DAB1: variants seen among roughly 807,000 people sequenced by gnomAD.
DAB1 encodes the protein DAB adaptor protein 1, also known as disabled homolog 1.
In DAB1, 15 loss-of-function variants were observed where a neutral mutation model predicts 64.6. The ratio of observed to expected loss-of-function variants is 0.23; its 90% CI spans 0.16 to 0.36. DAB1 has a LOEUF of 0.36. Ranked by LOEUF, DAB1 falls within the 10% of genes least tolerant of loss-of-function variation. DAB1 has a pLI of 1.00. For missense variants in DAB1, 596 were observed against 706.7 expected, an observed-to-expected ratio of 0.84 and a Z score of 1.78; for synonymous variants, 235 against 251.9, an observed-to-expected ratio of 0.93 and a Z score of 0.64.
At chr1:58,144,334 T>G (rs1054747762) in intron 5 of DAB1, among the ~76,000 whole-genome samples, 4 of 152,220 alleles carry the variant, frequency 2.6e-5, no homozygotes, top group African/African-American at 9.6e-5. Flanking sequence ...AAGTAAAGAT[T>G]ATCAACAGTC....
chr1:58,323,119 G>T (rs1397371823), intron 4 of DAB1, among the ~76,000 whole-genome samples: 1 of 151,944 alleles, frequency 6.6e-6, no homozygotes, highest in Admixed American at 6.6e-5. Context: ...AGGGATAGCA[G>T]TAGGAGAAAT....
intron 3 of DAB1, among the ~76,000 whole-genome samples, chr1:58,376,693 G>T (rs1644330756): frequency 7.3e-6 from 1 of 137,570 alleles, no homozygotes; most frequent in African/African-American, 2.7e-5. Flanking sequence ...TGTCTATTAG[G>T]TCCCCTTGGT....
intron 4 of DAB1, among the ~76,000 whole-genome samples, chr1:58,198,680 A>G (rs764377124): frequency 2.0e-5 from 3 of 151,830 alleles, no homozygotes; most frequent in African/African-American, 4.8e-5. Context: ...CCAATTAGGG[A>G]TTACAGTTCC....
At chr1:58,012,580 A>T (rs1037608570) in intron 5 of DAB1, among the ~76,000 whole-genome samples, 3 of 152,192 alleles carry the variant, frequency 2.0e-5, no homozygotes, top group Non-Finnish European at 2.9e-5. Flanking sequence ...TGGGGCCTTT[A>T]GGAGGTGATA....
chr1:57,199,459 A>G (rs1216118405), intron 2 of DAB1, among the ~76,000 whole-genome samples: 1 of 152,168 alleles, frequency 6.6e-6, no homozygotes, highest in Non-Finnish European at 1.5e-5. Context: ...GGGAGGTGGC[A>G]GCTGGCTTGT....
At chr1:58,381,631 C>T (rs1644390153) in intron 3 of DAB1, among the ~76,000 whole-genome samples, 1 of 152,132 alleles carries the variant, frequency 6.6e-6, no homozygotes. Flanking sequence ...GAAGACCAAA[C>T]CACAGGAATT....
chr1:57,640,838 G>T (rs1298140771), intron 7 of DAB1, among the ~76,000 whole-genome samples: 1 of 152,208 alleles, frequency 6.6e-6, no homozygotes, highest in African/African-American at 2.4e-5. Flanking sequence ...TAGAGCTGCA[G>T]AGAAGTAAAG....
At chr1:57,134,912 G>A (rs914827116) in intron 4 of DAB1, among the ~76,000 whole-genome samples, 4 of 152,032 alleles carry the variant, frequency 2.6e-5, no homozygotes, top group Admixed American at 6.6e-5. Context: ...AAATGACCTG[G>A]TACTTATATT....
At position 57,502,198 on chromosome 1, in the gene DAB1, C is replaced by T. The variant is rs2691427; in HGVS notation, n.625+147394G>A. 7.9e-3 allele frequency among the ~76,000 whole-genome samples: 1,202 copies of T among 151,362 alleles called. 18 individuals carry two copies. The highest frequency in any genetic ancestry group is 0.024 in the African/African-American group (999 of 41,340). ...TAGCCGGTGTGGTGGCGGGCGCCTG[C>T]AGTCCCAGCTACTCAGGAGGCTGAG... On this transcript the variant is annotated intron_variant and non_coding_transcript_variant, in intron 7 of 20. Coordinates refer to the DAB1 transcript ENST00000485760.
chr1:58,184,140 A>G (rs1341787830), intron 4 of DAB1, among the ~76,000 whole-genome samples: 4 of 152,090 alleles, frequency 2.6e-5, no homozygotes, highest in Non-Finnish European at 4.4e-5. Context: ...GTACTTGTTC[A>G]GAACTGCCTG....
rs559338641 is a variant in DAB1, at chr1:57,963,090, A to G, written n.388-78928T>C. On this transcript the variant is annotated intron_variant and non_coding_transcript_variant, in intron 5 of 20. Transcript: ENST00000485760. ...ATTAAGCTCACATATGACAGTATTC[A>G]TTCATTCATTCAACCACAAATTAAA... Among the ~76,000 whole-genome samples, 6 of 152,130 alleles carry G rather than the reference A, an allele frequency of 3.9e-5. No homozygotes were observed. The South Asian group carries it at 6.2e-4, about 16-fold the overall frequency.
chr1:57,138,320 C>G (rs1455740359), intron 3 of DAB1, among the ~76,000 whole-genome samples: 1 of 152,110 alleles, frequency 6.6e-6, no homozygotes, highest in African/African-American at 2.4e-5. Flanking sequence ...GTAGACCGTC[C>G]TGAGACAGCA....
intron 4 of DAB1, among the ~76,000 whole-genome samples, chr1:58,237,610 G>T (rs928663243): frequency 6.6e-6 from 1 of 151,970 alleles, no homozygotes; most frequent in Non-Finnish European, 1.5e-5. Flanking sequence ...ATAAAATCCT[G>T]GTGACAGCAC....
chr1:58,195,061 A>T (rs1438094962), intron 4 of DAB1, among the ~76,000 whole-genome samples: 1 of 152,180 alleles, frequency 6.6e-6, no homozygotes, highest in Non-Finnish European at 1.5e-5. Context: ...CAAGGATCCT[A>T]CTTGCTAGTG....
intron 3 of DAB1, among the ~76,000 whole-genome samples, chr1:58,485,741 T>C (rs1301962502): frequency 2.0e-5 from 3 of 152,180 alleles, no homozygotes; most frequent in Admixed American, 6.5e-5. Flanking sequence ...ACCATATAGC[T>C]AGAATATGTC....
At chr1:57,979,113 CAT>C (rs1645997063) in intron 5 of DAB1, among the ~76,000 whole-genome samples, 1 of 152,260 alleles carries the variant, frequency 6.6e-6, no homozygotes, top group South Asian at 2.1e-4. Flanking sequence ...CACATGCACA[CAT>C]ATGTTTATTG....
At chr1:57,889,208 G>A (rs1644270355) in intron 5 of DAB1, among the ~76,000 whole-genome samples, 1 of 152,240 alleles carries the variant, frequency 6.6e-6, no homozygotes, top group Admixed American at 6.5e-5. Context: ...AACTACTACT[G>A]CAGTGTCCTT....
At chr1:58,083,309 C>T (rs988402836) in intron 5 of DAB1, among the ~76,000 whole-genome samples, 6 of 152,108 alleles carry the variant, frequency 3.9e-5, no homozygotes, top group Non-Finnish European at 8.8e-5. Context: ...AATATTTTTC[C>T]TTGGGAGTCC....
At chr1:57,447,224 G>A (rs1460661735) in intron 7 of DAB1, among the ~76,000 whole-genome samples, 1 of 152,206 alleles carries the variant, frequency 6.6e-6, no homozygotes, top group Non-Finnish European at 1.5e-5. Flanking sequence ...TGGGATGGGA[G>A]AGTGATCTGC....
Sources: gnomAD v4.1 joint callset for allele counts (sites outside exome capture counted in the v4.1 genomes callset) on GRCh38, gnomAD v4.1.1 for gene constraint, MANE v1.5 for transcripts, NCBI Gene and HGNC (gene_info 2026-07-23, HGNC 2026-07-21) for gene names.